Variants in UCHL3 observed in about 807,000 individuals in gnomAD.
UCHL3 encodes the protein ubiquitin carboxyl-terminal hydrolase isozyme L3.
A neutral mutation model predicts 35.8 loss-of-function variants in UCHL3; 22 were observed. The observed-to-expected ratio is 0.61, with a 90% CI of 0.44 to 0.88. The LOEUF (loss-of-function observed/expected upper bound fraction) is 0.88, where lower values mean the gene tolerates loss of function less well. Ranked by LOEUF, UCHL3 falls within the 40% of genes least tolerant of loss-of-function variation. UCHL3 has a pLI of 0.00. For synonymous variants in UCHL3, 90 were observed against 92.8 expected, an observed-to-expected ratio of 0.97 and a Z score of 0.17; for missense variants, 229 against 276.9, an observed-to-expected ratio of 0.83 and a Z score of 1.23.
rs10581965 is a variant in UCHL3 at position 75,550,720 on chromosome 13, GTTT to G, written c.54+747_54+749del. Among the ~76,000 whole-genome samples, 592 of 138,414 alleles carry G rather than the reference GTTT, an allele frequency of 4.3e-3. 2 individuals are homozygous for G. The highest frequency in any genetic ancestry group is 0.015 in the African/African-American group (552 of 37,866). The allele number at this position is 138,414 out of a possible 152,430, so 90.8% of individuals were successfully genotyped here. ...GCTCAGGTGTGCCTTATTTTACCCTGTTTTTTTTTTTTTTTTCATTCTCAACAG... is the reference window on the plus strand; with the variant it reads ...GCTCAGGTGTGCCTTATTTTACCCTGTTTTTTTTTTTTTCATTCTCAACAG... On this transcript the variant is annotated intron_variant, in intron 2 of 8. Transcript: ENST00000377595.
At chr13:75,562,553 C>G (rs554209223) in intron 3 of UCHL3, among the ~76,000 whole-genome samples, 1 of 151,882 alleles carries the variant, frequency 6.6e-6, no homozygotes, top group Non-Finnish European at 1.5e-5. Flanking sequence ...AATCAGTTGC[C>G]TAAAGCTTAG....
intron 3 of UCHL3, among the ~76,000 whole-genome samples, chr13:75,565,360 TTAAAA>T (rs2138486536): frequency 6.6e-6 from 1 of 152,348 alleles, no homozygotes; most frequent in Admixed American, 6.5e-5. Context: ...ATAGTGTTAC[TTAAAA>T]TGTAATTTAG....
In UCHL3 at chr13:75,592,448, A is replaced by ACATATATATATATATGTATATATGTG. The variant is rs74201049; in HGVS notation, c.475-2467_475-2466insCATATATATATATATGTATATATGTG. Reference sequence around the variant, plus strand: ...TATATATATATATATATATATATATATATATATATATATATATATGAAGGA... The same window carrying ACATATATATATATATGTATATATGTG: ...TATATATATATATATATATATATATACATATATATATATATGTATATATGTGTATATATATATATATATATGAAGGA... On this transcript the variant is annotated intron_variant, in intron 6 of 8. Coordinates refer to ENST00000377595, the MANE Select transcript of UCHL3 (RefSeq NM_006002.5). Among the ~76,000 whole-genome samples the ACATATATATATATATGTATATATGTG allele has an allele frequency of 2.1e-4, 25 of 116,634 alleles. No individual in the cohort carries two copies. In the South Asian group the frequency reaches 4.5e-3, roughly 21 times the overall value. 76.5% of individuals were successfully genotyped at this position (116,634 alleles called of 152,430 possible). A position where few individuals can be genotyped will look rare whatever the true frequency, so the allele number is the denominator to read the frequency against.
At chr13:75,559,041 T>C (rs1399619422) in intron 2 of UCHL3, among the ~76,000 whole-genome samples, 1 of 132,946 alleles carries the variant, frequency 7.5e-6, no homozygotes, top group East Asian at 2.1e-4. Flanking sequence ...TTTTTTTTTT[T>C]TTTTTTTTTT....
At chr13:75,563,519 A>C (rs1566212586) in intron 3 of UCHL3, among the ~76,000 whole-genome samples, 3 of 152,176 alleles carry the variant, frequency 2.0e-5, no homozygotes, top group Admixed American at 6.5e-5. Flanking sequence ...TATTGTGTAT[A>C]TTTGAAGTTT....
At position 75,590,534 on chromosome 13, in the gene UCHL3, TA is replaced by T. The variant is rs1050609703; in HGVS notation, c.475-4380del. On this transcript the variant is annotated intron_variant, in intron 6 of 8. Transcript: ENST00000377595. ...TTGCCATCTATTACTTTATTATTATTATTTTTTTATGTTTCTGAGCATGACT... is the reference window on the plus strand; with the variant it reads ...TTGCCATCTATTACTTTATTATTATTTTTTTTTATGTTTCTGAGCATGACT... 1.8e-4 allele frequency among the ~76,000 whole-genome samples: 28 copies of T among 152,308 alleles called. 1 individual carries two copies. Among genetic ancestry groups the T allele is most frequent in the Admixed American group, 7.8e-4 (12 of 15,292 alleles).
chr13:75,604,944 C>A, intron 8 of UCHL3, 117 bp downstream of exon 8: 1 of 842,322 alleles, frequency 1.2e-6, no homozygotes, highest in Non-Finnish European at 1.7e-6. Context: ...TCCTTGTTCT[C>A]TCTAGAAAAT....
chr13:75,601,897 C>A (rs928609236), intron 7 of UCHL3, among the ~76,000 whole-genome samples: 2 of 152,052 alleles, frequency 1.3e-5, no homozygotes, highest in African/African-American at 4.8e-5. Context: ...ATCACAAGGT[C>A]AGGAGATCGA....
rs188961764 is a variant in UCHL3, at chr13:75,601,493, A to T, written c.551-3276A>T. 4.1e-3 allele frequency among the ~76,000 whole-genome samples: 626 copies of T among 152,356 alleles called. 6 individuals are homozygous for T. Among genetic ancestry groups the T allele is most frequent in the African/African-American group, 0.014 (598 of 41,580 alleles). On this transcript the variant is annotated intron_variant, in intron 7 of 8. Coordinates refer to ENST00000377595, the MANE Select transcript of UCHL3 (RefSeq NM_006002.5). ...TATCAACATCAAAGCAAGCCCCTCC[A>T]TCAGCAAAAAGATGGCAACTTGCTG...
In UCHL3 at chr13:75,604,785, T is replaced by A; in HGVS notation, c.567T>A (p.Phe189Leu). ...HLYELDGRKPFPINHGETSDE... is the reference protein window; with the variant it reads ...HLYELDGRKPLPINHGETSDE... ...TTTCCACAGATGGGCGGAAGCCATT[T>A]CCAATTAACCATGGTGAAACTAGTG... The change falls in exon 8 of 9, where the codon TTT becomes TTA. Residue 189 changes from phenylalanine to leucine, a missense_variant. By Grantham distance (22) the Phe-to-Leu change is conservative (BLOSUM62 0). Coordinates refer to ENST00000377595, the MANE Select transcript of UCHL3 (RefSeq NM_006002.5). The A allele has an allele frequency of 6.3e-7, 1 of 1,598,718 alleles. No homozygotes were observed. Among genetic ancestry groups the A allele is most frequent in the Non-Finnish European group, 8.5e-7 (1 of 1,172,686 alleles).
chr13:75,586,983 C>A (rs1593753223), intron 6 of UCHL3, among the ~76,000 whole-genome samples: 4 of 105,094 alleles, frequency 3.8e-5, no homozygotes, highest in South Asian at 3.1e-4. Flanking sequence ...GAAATGGCTT[C>A]AAGTCAGAGA....
At chr13:75,602,173 G>A (rs1389942728) in intron 7 of UCHL3, among the ~76,000 whole-genome samples, 1 of 152,082 alleles carries the variant, frequency 6.6e-6, no homozygotes, top group East Asian at 1.9e-4. Flanking sequence ...TTTCTGTATA[G>A]TCTCTGTTTT....
chr13:75,560,724 GTT>G (rs8192742), intron 2 of UCHL3, 27 bp from the exon 3 acceptor site: 3 of 1,413,554 alleles, frequency 2.1e-6, no homozygotes, highest in South Asian at 1.3e-5. Context: ...ATGTTCCATT[GTT>G]TTTTTTTTCT....
In UCHL3 at chr13:75,583,806, T is replaced by G. The variant is rs186342321; in HGVS notation, c.475-11109T>G. 1.4e-4 allele frequency among the ~76,000 whole-genome samples: 22 copies of G among 152,296 alleles called. No individual in the cohort carries two copies. The East Asian group carries it at 3.5e-3, about 24-fold the overall frequency. ...GAGATGAATAGAAGCCCAAAATTTA[T>G]GGGTAATGAAACAAAATAGCTAAAA... On this transcript the variant is annotated intron_variant, in intron 6 of 8. Transcript: ENST00000377595.
rs1194528647 is a variant in UCHL3 at position 75,605,819 on chromosome 13, A to G, written c.*7A>G. 1.2e-6 allele frequency: 2 copies of G among 1,613,788 alleles called. No individual in the cohort carries two copies. Among genetic ancestry groups the G allele is most frequent in the Non-Finnish European group, 1.7e-6 (2 of 1,179,840 alleles). ...TGCTCTTTCTGCAGCATAGCTTGTC[A>G]ATAATGGAAACACCAAAAACTGTAT... On this transcript the variant is annotated 3_prime_UTR_variant, in exon 9 of 9. Coordinates refer to ENST00000377595, the MANE Select transcript of UCHL3 (RefSeq NM_006002.5).
chr13:75,550,615 G>A (rs566931062), intron 2 of UCHL3, among the ~76,000 whole-genome samples: 1 of 151,732 alleles, frequency 6.6e-6, no homozygotes, highest in Non-Finnish European at 1.5e-5. Context: ...GGTGTTGGAG[G>A]TTGGGGGTTG....
At chr13:75,549,771 CGGCGGCGAA>C (rs778987966), upstream of UCHL3, 22 of 1,053,866 alleles carry the variant, frequency 2.1e-5, no homozygotes, top group African/African-American at 7.0e-5. Context: ...GAAGCGGCGG[CGGCGGCGAA>C]GGCGGCGGCT....
chr13:75,600,212 A>G (rs1005472046), intron 7 of UCHL3, among the ~76,000 whole-genome samples: 1 of 152,238 alleles, frequency 6.6e-6, no homozygotes, highest in African/African-American at 2.4e-5. Context: ...TCCATAACAT[A>G]AAAGTGCATG....
chr13:75,580,421 C>CACACACATGTCCTTACACATATGTGT (rs2032146991), intron 6 of UCHL3, among the ~76,000 whole-genome samples: 1 of 152,140 alleles, frequency 6.6e-6, no homozygotes. Context: ...CATGCATGCG[C>CACACACATGTCCTTACACATATGTGT]ACACACATGT....
Sources: gnomAD v4.1 joint callset for allele counts (sites outside exome capture counted in the v4.1 genomes callset) on GRCh38, gnomAD v4.1.1 for gene constraint, MANE v1.5 for transcripts, NCBI Gene and HGNC (gene_info 2026-07-23, HGNC 2026-07-21) for gene names.